Variants in ERC1 observed in about 807,000 individuals in gnomAD.
ERC1 encodes RAB6 interacting protein 2.
A neutral mutation model predicts 132.0 loss-of-function variants in ERC1; 56 were observed. The observed-to-expected ratio is 0.42, with a 90% confidence interval of 0.34 to 0.53. ERC1 has a LOEUF of 0.53. Among genes scored for constraint, ERC1 ranks in the 20% least tolerant of loss-of-function variants. ERC1 has a pLI of 0.03. For missense variants in ERC1, 1,202 were observed against 1,349.9 expected, an observed-to-expected ratio of 0.89 and a Z score of 1.72; for synonymous variants, 478 against 476.1, an observed-to-expected ratio of 1.00 and a Z score of -0.05.
chr12:1,217,967 A>G (rs1056894157), intron 12 of ERC1, among the ~76,000 whole-genome samples: 3 of 152,168 alleles, frequency 2.0e-5, no homozygotes, highest in African/African-American at 7.2e-5. Context: ...CTCACATTGA[A>G]TTTATGGCCA....
At chr12:1,184,918 A>G (rs1424642539) in intron 11 of ERC1, among the ~76,000 whole-genome samples, 1 of 151,638 alleles carries the variant, frequency 6.6e-6, no homozygotes, top group African/African-American at 2.4e-5. Context: ...ACACCTGGCT[A>G]AGTTAATTTT....
intron 16 of ERC1, among the ~76,000 whole-genome samples, chr12:1,399,747 T>A (rs1167586417): frequency 6.6e-6 from 1 of 152,246 alleles, no homozygotes; most frequent in Non-Finnish European, 1.5e-5. Flanking sequence ...GGCTAATAGC[T>A]CATTATATGG....
intron 7 of ERC1, among the ~76,000 whole-genome samples, chr12:1,131,760 A>T (rs4388954): frequency 6.6e-6 from 1 of 152,098 alleles, no homozygotes; most frequent in African/African-American, 2.4e-5. Context: ...CACCGCGCCC[A>T]GCCAGAATTA....
At chr12:1,044,512 C>T (rs1970774795) in intron 2 of ERC1, among the ~76,000 whole-genome samples, 1 of 152,056 alleles carries the variant, frequency 6.6e-6, no homozygotes, top group South Asian at 2.1e-4. Flanking sequence ...GATCATAATA[C>T]TTGTATTGTT....
chr12:1,171,586 A>G (rs1953075018), intron 8 of ERC1, among the ~76,000 whole-genome samples: 1 of 152,202 alleles, frequency 6.6e-6, no homozygotes, highest in Admixed American at 6.5e-5. Flanking sequence ...TAACCAAGAA[A>G]GTAAAGGTCA....
intron 8 of ERC1, among the ~76,000 whole-genome samples, chr12:1,165,207 ACT>A (rs771825801): frequency 2.6e-5 from 4 of 151,886 alleles, no homozygotes; most frequent in Non-Finnish European, 5.9e-5. Flanking sequence ...CTAGATGGAA[ACT>A]CTTGTGTATT....
chr12:1,080,102 C>T (rs1305986080), intron 2 of ERC1, among the ~76,000 whole-genome samples: 1 of 152,148 alleles, frequency 6.6e-6, no homozygotes, highest in Non-Finnish European at 1.5e-5. Context: ...AATTTTATGA[C>T]CAACATCTTC....
chr12:1,351,506 G>A (rs1043201879), intron 15 of ERC1, among the ~76,000 whole-genome samples: 1 of 152,142 alleles, frequency 6.6e-6, no homozygotes, highest in Non-Finnish European at 1.5e-5. Flanking sequence ...ATTGTGGTAA[G>A]TGTGTAGTGG....
At chr12:1,228,805 T>C (rs961053196) in intron 12 of ERC1, among the ~76,000 whole-genome samples, 3 of 152,226 alleles carry the variant, frequency 2.0e-5, no homozygotes, top group African/African-American at 7.2e-5. Context: ...TTCATTCTGT[T>C]AGTGTGGTGT....
intron 15 of ERC1, among the ~76,000 whole-genome samples, chr12:1,327,194 G>A: frequency 6.7e-6 from 1 of 149,118 alleles, no homozygotes; most frequent in Non-Finnish European, 1.5e-5. Context: ...TATGATTTGA[G>A]GCCCACTCTG....
rs57315267 is a variant in ERC1, at chr12:1,493,544, A to ATATATATATATATAT, written c.*3314_*3315insTATATATATATATAT. 2.0e-3 allele frequency: 46 copies of ATATATATATATATAT among 22,484 alleles called. 1 individual carries two copies. Among genetic ancestry groups the ATATATATATATATAT allele is most frequent in the South Asian group, 2.5e-3 (1 of 400 alleles). The allele number at this position is 22,484 out of a possible 1,614,324, so 1.4% of individuals were successfully genotyped here. A position where few individuals can be genotyped will look rare whatever the true frequency, so the allele number is the denominator to read the frequency against. On this transcript the variant is annotated 3_prime_UTR_variant, in exon 19 of 19. Coordinates refer to ENST00000360905, the MANE Select transcript of ERC1 (RefSeq NM_178040.4). ...AGAGACTCCATTTAAAAAAAAAAAA[A>ATATATATATATATAT]AAAAATATATATATATATATATATA...
intron 2 of ERC1, among the ~76,000 whole-genome samples, chr12:1,049,871 G>A (rs1267914418): frequency 6.6e-6 from 1 of 150,438 alleles, no homozygotes; most frequent in Non-Finnish European, 1.5e-5. Flanking sequence ...TCCTGTCTCA[G>A]CCTCCTGATT....
chr12:1,440,246 C>G (rs1344887266), intron 17 of ERC1, among the ~76,000 whole-genome samples: 6 of 143,500 alleles, frequency 4.2e-5, no homozygotes, highest in African/African-American at 1.6e-4. Context: ...GCTCTGTCGC[C>G]CAGGCTGGAG....
intron 15 of ERC1, among the ~76,000 whole-genome samples, chr12:1,304,945 A>G (rs550623450): frequency 2.7e-5 from 4 of 150,616 alleles, no homozygotes; most frequent in South Asian, 2.1e-4. Context: ...GCCCGCCCCC[A>G]CGCCCGGCTA....
At chr12:1,119,258 GTT>G (rs112751850) in intron 7 of ERC1, among the ~76,000 whole-genome samples, 2 of 149,340 alleles carry the variant, frequency 1.3e-5, no homozygotes, top group African/African-American at 2.5e-5. Flanking sequence ...GTTTTGTTTT[GTT>G]TTTTTTGTTT....
At chr12:1,218,980 C>G (rs1958702147) in intron 12 of ERC1, among the ~76,000 whole-genome samples, 1 of 152,072 alleles carries the variant, frequency 6.6e-6, no homozygotes, top group South Asian at 2.1e-4. Context: ...TCAAGCAATT[C>G]TCCTGCCTCA....
chr12:1,252,034 G>A (rs1156428734), intron 13 of ERC1, among the ~76,000 whole-genome samples: 3 of 151,846 alleles, frequency 2.0e-5, no homozygotes, highest in South Asian at 2.1e-4. Flanking sequence ...ACATATTTAC[G>A]AGGTACACAT....
intron 18 of ERC1, among the ~76,000 whole-genome samples, chr12:1,466,304 T>C (rs2093742418): frequency 6.6e-6 from 1 of 152,156 alleles, no homozygotes; most frequent in South Asian, 2.1e-4. Context: ...TCTTTCTGTA[T>C]GTCCAGATTT....
intron 3 of ERC1, among the ~76,000 whole-genome samples, chr12:1,084,883 G>A (rs1301902824): frequency 1.3e-5 from 2 of 152,090 alleles, no homozygotes; most frequent in Non-Finnish European, 2.9e-5. Context: ...AAAAAATTTT[G>A]TAGAGACAGA....
Sources: gnomAD v4.1 joint callset for allele counts (sites outside exome capture counted in the v4.1 genomes callset) on GRCh38, gnomAD v4.1.1 for gene constraint, MANE v1.5 for transcripts, NCBI Gene and HGNC (gene_info 2026-07-23, HGNC 2026-07-21) for gene names.